The following CSMD1 variants were observed in gnomAD, a reference collection of about 807,000 sequenced individuals.
CSMD1 encodes CUB and sushi domain-containing protein 1.
Under a neutral mutation model 417.5 loss-of-function variants are expected in CSMD1, and 213 were observed. The observed-to-expected ratio is 0.51, with a 90% CI of 0.46 to 0.57. The LOEUF (loss-of-function observed/expected upper bound fraction) is 0.57, where lower values mean the gene tolerates loss of function less well. CSMD1 is among the 20% of genes least tolerant of loss of function. The pLI is 0.00. For synonymous variants in CSMD1, 2,862 were observed against 1,736.8 expected, an observed-to-expected ratio of 1.65 and a Z score of -16.11; for missense variants, 6,923 against 4,529.7, an observed-to-expected ratio of 1.53 and a Z score of -15.17.
intron 5 of CSMD1, among the ~76,000 whole-genome samples, chr8:3,830,076 A>G (rs564191266): frequency 6.6e-6 from 1 of 152,248 alleles, no homozygotes; most frequent in Non-Finnish European, 1.5e-5. Context: ...AAATCACCTT[A>G]ATTTTCTTCT....
intron 5 of CSMD1, among the ~76,000 whole-genome samples, chr8:3,775,490 G>C (rs1471781999): frequency 6.6e-6 from 1 of 152,192 alleles, no homozygotes; most frequent in Non-Finnish European, 1.5e-5. Flanking sequence ...GACACGGGGT[G>C]AAGTTATGAA....
chr8:4,293,593 C>T (rs780456964), intron 3 of CSMD1, among the ~76,000 whole-genome samples: 3 of 152,176 alleles, frequency 2.0e-5, no homozygotes, highest in Non-Finnish European at 4.4e-5. Context: ...GAGCTCATCT[C>T]ATCATGAACT....
intron 10 of CSMD1, among the ~76,000 whole-genome samples, chr8:3,514,452 G>A (rs1797204425): frequency 6.6e-6 from 1 of 152,052 alleles, no homozygotes; most frequent in Non-Finnish European, 1.5e-5. Context: ...TCTGCTCACG[G>A]GTCATCCCCA....
At chr8:4,580,614 C>A (rs1462645315) in intron 2 of CSMD1, among the ~76,000 whole-genome samples, 1 of 152,114 alleles carries the variant, frequency 6.6e-6, no homozygotes, top group Non-Finnish European at 1.5e-5. Flanking sequence ...TGCTCTCTCC[C>A]CTCCTTCTTC....
intron 2 of CSMD1, among the ~76,000 whole-genome samples, chr8:4,513,975 T>G (rs931057758): frequency 5.3e-5 from 8 of 152,200 alleles, no homozygotes; most frequent in Non-Finnish European, 1.0e-4. Flanking sequence ...TTTTTAACCC[T>G]AGATTGTAGC....
chr8:3,449,251 C>T (rs11780701), intron 12 of CSMD1, among the ~76,000 whole-genome samples: 107,749 of 152,080 alleles, frequency 0.71, 38,466 homozygotes, highest in African/African-American at 0.81. Context: ...TAAAATTAAA[C>T]AGGCTTATTC....
At chr8:4,936,835 AAAAT>A (rs1273634606) in intron 1 of CSMD1, among the ~76,000 whole-genome samples, 4 of 152,230 alleles carry the variant, frequency 2.6e-5, no homozygotes, top group Non-Finnish European at 4.4e-5. Context: ...CTGCTAAATA[AAAAT>A]AATACATAAA....
chr8:3,942,636 A>G (rs2129780104), intron 5 of CSMD1, among the ~76,000 whole-genome samples: 1 of 152,328 alleles, frequency 6.6e-6, no homozygotes, highest in East Asian at 1.9e-4. Context: ...CTTACTGGTT[A>G]GCCTCAGTTT....
chr8:3,520,932 G>A (rs1234490981), intron 10 of CSMD1, among the ~76,000 whole-genome samples: 2 of 152,076 alleles, frequency 1.3e-5, no homozygotes, highest in Non-Finnish European at 2.9e-5. Context: ...TGGGATGATT[G>A]TTGGTTCCTC....
intron 29 of CSMD1, among the ~76,000 whole-genome samples, chr8:3,218,356 T>C (rs1798002085): frequency 1.3e-5 from 2 of 149,442 alleles, no homozygotes; most frequent in Admixed American, 1.3e-4. Context: ...GGTCAGGAGA[T>C]CGAGATCATC....
intron 5 of CSMD1, among the ~76,000 whole-genome samples, chr8:3,938,282 A>C (rs1174580863): frequency 1.3e-5 from 2 of 152,170 alleles, no homozygotes; most frequent in African/African-American, 4.8e-5. Flanking sequence ...GCACAAGGGA[A>C]AAAACTGCAT....
chr8:3,085,974 C>T (rs1185554492), intron 49 of CSMD1, among the ~76,000 whole-genome samples: 1 of 152,114 alleles, frequency 6.6e-6, no homozygotes, highest in Non-Finnish European at 1.5e-5. Flanking sequence ...AGTTTCTGCC[C>T]ATTCCACCGA....
chr8:3,578,081 T>C (rs1462027129), intron 9 of CSMD1, among the ~76,000 whole-genome samples: 2 of 152,144 alleles, frequency 1.3e-5, no homozygotes, highest in Non-Finnish European at 2.9e-5. Context: ...AATTTCATAG[T>C]GGAGAGAGAA....
chr8:4,160,824 G>T (rs35649086), intron 3 of CSMD1, among the ~76,000 whole-genome samples: 60,637 of 152,098 alleles, frequency 0.4, 12,262 homozygotes, highest in Non-Finnish European at 0.41. Context: ...CAGAAAAGAA[G>T]AAGAAAAGGA....
chr8:3,918,172 G>A (rs78888353), intron 5 of CSMD1, among the ~76,000 whole-genome samples: 1,767 of 152,116 alleles, frequency 0.012, 31 homozygotes, highest in African/African-American at 0.04. Flanking sequence ...GAAAGTGTGT[G>A]TTCAAAATCC....
intron 1 of CSMD1, among the ~76,000 whole-genome samples, chr8:4,743,147 C>G (rs1196030144): frequency 6.6e-6 from 1 of 152,072 alleles, no homozygotes; most frequent in East Asian, 1.9e-4. Flanking sequence ...AAACTTTTAA[C>G]AGAGGAGATC....
intron 5 of CSMD1, among the ~76,000 whole-genome samples, chr8:3,942,170 C>G (rs1469504645): frequency 6.6e-6 from 1 of 151,926 alleles, no homozygotes; most frequent in Non-Finnish European, 1.5e-5. Flanking sequence ...TGCAGGAAAA[C>G]AAGGTGTGGG....
intron 7 of CSMD1, among the ~76,000 whole-genome samples, chr8:3,685,029 T>C (rs1799876384): frequency 6.6e-6 from 1 of 152,120 alleles, no homozygotes; most frequent in South Asian, 2.1e-4. Flanking sequence ...CTTAGAAGGA[T>C]CAGCATCATC....
At chr8:4,752,791 G>A (rs1053797428) in intron 1 of CSMD1, among the ~76,000 whole-genome samples, 4 of 152,140 alleles carry the variant, frequency 2.6e-5, no homozygotes, top group Admixed American at 2.0e-4. Context: ...AAACAGGAGA[G>A]AAGGCATCAG....
Sources: gnomAD v4.1 joint callset for allele counts (sites outside exome capture counted in the v4.1 genomes callset) on GRCh38, gnomAD v4.1.1 for gene constraint, MANE v1.5 for transcripts, NCBI Gene and HGNC (gene_info 2026-07-23, HGNC 2026-07-21) for gene names.